Variants in PDE10A observed in about 807,000 individuals in gnomAD.
PDE10A encodes phosphodiesterase 10A.
PDE10A carries 39 observed loss-of-function variants against 97.7 expected under a neutral mutation model. The ratio of observed to expected loss-of-function variants is 0.40; its 90% confidence interval spans 0.31 to 0.52. The LOEUF is 0.52. Ranked by LOEUF, PDE10A falls within the 20% of genes least tolerant of loss-of-function variation. PDE10A has a pLI of 0.56. For missense variants in PDE10A, 731 were observed against 1,047.8 expected, an observed-to-expected ratio of 0.70 and a Z score of 4.17; for synonymous variants, 371 against 376.8, an observed-to-expected ratio of 0.98 and a Z score of 0.18.
intron 1 of PDE10A, chr6:165,774,831 C>CTTTTTTTTTTTTTTTTT (rs5881660): frequency 3.7e-5 from 4 of 107,852 alleles, no homozygotes; most frequent in Admixed American, 1.0e-4. Context: ...ACTTTTTTTT[C>CTTTTTTTTTTTTTTTTT]TTTTTTTTTT....
intron 1 of PDE10A, among the ~76,000 whole-genome samples, chr6:165,619,321 G>GTAGTCTA (rs1787924585): frequency 2.4e-5 from 1 of 40,860 alleles, no homozygotes; most frequent in Non-Finnish European, 5.2e-5. Context: ...AGTCTAGTGT[G>GTAGTCTA]GTGTAGTGTA....
intron 1 of PDE10A, among the ~76,000 whole-genome samples, chr6:165,597,907 G>A (rs1373366831): frequency 6.6e-6 from 1 of 152,184 alleles, no homozygotes; most frequent in African/African-American, 2.4e-5. Context: ...GAAAAGAAAT[G>A]GCAACCTGAG....
chr6:165,743,790 T>C (rs1792783190), intron 1 of PDE10A, among the ~76,000 whole-genome samples: 1 of 152,248 alleles, frequency 6.6e-6, no homozygotes, highest in African/African-American at 2.4e-5. Flanking sequence ...ACTCCCTGTC[T>C]ATTCTACAAT....
intron 3 of PDE10A, among the ~76,000 whole-genome samples, chr6:165,474,524 G>A (rs1320143679): frequency 6.6e-6 from 1 of 152,082 alleles, no homozygotes; most frequent in African/African-American, 2.4e-5. Context: ...AAAAATTTGA[G>A]TAACTACCAT....
At chr6:165,656,633 G>A (rs192550183) in intron 1 of PDE10A, among the ~76,000 whole-genome samples, 66 of 152,116 alleles carry the variant, frequency 4.3e-4, no homozygotes, top group African/African-American at 1.2e-3. Context: ...CTTATCACCC[G>A]GGTCCCCAAC....
At chr6:165,696,186 G>A (rs1791439669) in intron 1 of PDE10A, among the ~76,000 whole-genome samples, 1 of 152,148 alleles carries the variant, frequency 6.6e-6, no homozygotes, top group South Asian at 2.1e-4. Context: ...AGAAGCCCCG[G>A]GGAGAAGAAG....
intron 1 of PDE10A, among the ~76,000 whole-genome samples, chr6:165,820,653 C>T (rs1779544037): frequency 6.6e-6 from 1 of 152,176 alleles, no homozygotes; most frequent in African/African-American, 2.4e-5. Context: ...GCTTCATATG[C>T]ACAAGAAACT....
rs530796098 is a variant in PDE10A, at chr6:165,329,206, C to T, written c.*3819G>A. The T allele has an allele frequency of 6.6e-6, 1 of 152,260 alleles. No homozygotes were observed. The highest frequency in any genetic ancestry group is 2.4e-5 in the African/African-American group (1 of 41,556). The allele number at this position is 152,260 out of a possible 1,614,324, so 9.4% of individuals were successfully genotyped here. On this transcript the variant is annotated 3_prime_UTR_variant, in exon 22 of 22. Coordinates refer to ENST00000539869, the MANE Select transcript of PDE10A (RefSeq NM_001385079.1). The stretch of plus-strand genomic sequence containing the variant: ...GAAACCCCCCAAAATCACATCATAA[C>T]CAGTGTCACAGTTCTCTGAAGTTCT...
chr6:165,899,975 G>A (rs983418628), intron 1 of PDE10A, among the ~76,000 whole-genome samples: 2 of 152,190 alleles, frequency 1.3e-5, no homozygotes. Flanking sequence ...AGGGCTGATT[G>A]GCCAGGGCTA....
intron 1 of PDE10A, among the ~76,000 whole-genome samples, chr6:165,935,518 C>T (rs571715505): frequency 1.3e-4 from 20 of 152,146 alleles, no homozygotes; most frequent in Middle Eastern, 3.2e-3. Flanking sequence ...AGAGGGAAAT[C>T]GTGGGCAAAA....
intron 3 of PDE10A, among the ~76,000 whole-genome samples, chr6:165,473,602 G>T (rs556850167): frequency 4.8e-4 from 70 of 144,950 alleles, no homozygotes; most frequent in African/African-American, 1.8e-3. Context: ...TGGAGGCAAG[G>T]TTACAGCTGA....
In PDE10A at chr6:165,388,196, C is replaced by T; in HGVS notation, c.2610+102G>A. 2.0e-6 allele frequency: 2 copies of T among 1,008,352 alleles called. No homozygotes were observed. The highest frequency in any genetic ancestry group is 1.6e-5 in the South Asian group (1 of 64,492). 62.5% of individuals were successfully genotyped at this position (1,008,352 alleles called of 1,614,324 possible). A position where few individuals can be genotyped will look rare whatever the true frequency, so the allele number is the denominator to read the frequency against. ...GTTCTACAATAAAAAGTAGCTGTTG[C>T]TTTTAAGGAAGCCATAATGATCTTC... On this transcript the variant is annotated intron_variant, in intron 17 of 21. Transcript: ENST00000539869. The surrounding 1 kb of genome is among the most constrained non-coding windows in gnomAD (Gnocchi z 4.0).
At chr6:165,527,883 G>A (rs753922643) in intron 2 of PDE10A, among the ~76,000 whole-genome samples, 1 of 152,186 alleles carries the variant, frequency 6.6e-6, no homozygotes, top group African/African-American at 2.4e-5. Flanking sequence ...GAGAAGGCTA[G>A]GACCTGGTTC....
chr6:165,537,657 CTCTT>C (rs1783171581), intron 2 of PDE10A, among the ~76,000 whole-genome samples: 1 of 151,888 alleles, frequency 6.6e-6, no homozygotes, highest in South Asian at 2.1e-4. Context: ...TGCCAAATAA[CTCTT>C]TATAGATGAA....
chr6:165,535,031 A>G (rs911251409), intron 2 of PDE10A, among the ~76,000 whole-genome samples: 3 of 152,046 alleles, frequency 2.0e-5, no homozygotes, highest in African/African-American at 7.2e-5. Context: ...ACGATCTTGT[A>G]TTTCAAAAAA....
intron 1 of PDE10A, among the ~76,000 whole-genome samples, chr6:165,579,479 C>T (rs947913201): frequency 2.0e-5 from 3 of 152,164 alleles, no homozygotes; most frequent in Non-Finnish European, 4.4e-5. Flanking sequence ...TCTCTCACAC[C>T]TCACATCCAT....
intron 1 of PDE10A, among the ~76,000 whole-genome samples, chr6:165,701,530 G>C (rs1218361392): frequency 6.6e-6 from 1 of 152,166 alleles, no homozygotes; most frequent in Non-Finnish European, 1.5e-5. Flanking sequence ...TATGGTTTCT[G>C]CCATCAAAAA....
intron 1 of PDE10A, among the ~76,000 whole-genome samples, chr6:165,975,984 A>T (rs906837397): frequency 3.9e-5 from 6 of 152,232 alleles, no homozygotes; most frequent in Non-Finnish European, 8.8e-5. Flanking sequence ...TAGACAATCA[A>T]ATAATGATGA....
Position 165,740,577 on chromosome 6 carries a change from C to T in PDE10A, c.-614-197009G>A, listed in dbSNP as rs1327075635. On this transcript the variant is annotated intron_variant, in intron 1 of 19. Coordinates refer to the PDE10A transcript ENST00000366882. ...CTCCATCTCCTGACCTCGTGATCCACCTGCCTCACCCTCCCAAAGTGCTGG... is the reference window on the plus strand; with the variant it reads ...CTCCATCTCCTGACCTCGTGATCCATCTGCCTCACCCTCCCAAAGTGCTGG... Among the ~76,000 whole-genome samples the T allele has an allele frequency of 2.0e-5, 3 of 152,174 alleles. No homozygotes were observed. In the East Asian group the frequency reaches 5.8e-4, roughly 29 times the overall value.
Sources: allele counts gnomAD v4.1 joint callset (sites outside exome capture counted in the v4.1 genomes callset), GRCh38; gene constraint gnomAD v4.1.1; non-coding constraint Gnocchi (gnomAD v3.1); transcripts MANE v1.5; gene names NCBI Gene and HGNC (gene_info 2026-07-23, HGNC 2026-07-21).